The following FRMD4A variants were observed in gnomAD, a reference collection of about 807,000 sequenced individuals.
FRMD4A encodes FERM domain-containing protein 4A.
Under a neutral mutation model 129.1 loss-of-function variants are expected in FRMD4A, and 29 were observed. That is an observed-to-expected ratio of 0.22 (90% CI 0.17 to 0.31). FRMD4A has a LOEUF of 0.31. Among genes scored for constraint, FRMD4A ranks in the 10% least tolerant of loss-of-function variants. The pLI, the probability that FRMD4A is intolerant of heterozygous loss-of-function variation, is 1.00. For synonymous variants in FRMD4A, 634 were observed against 571.6 expected (o/e 1.11, Z -1.56); for missense variants, 1,272 against 1,375.8 (o/e 0.92, Z 1.19).
chr10:13,733,445 T>C (rs1398775361), intron 12 of FRMD4A, among the ~76,000 whole-genome samples: 1 of 152,144 alleles, frequency 6.6e-6, no homozygotes, highest in South Asian at 2.1e-4. Context: ...GGCCTGGTTT[T>C]TTTTTTGGAG....
chr10:14,018,282 C>T (rs1298719606), intron 2 of FRMD4A, among the ~76,000 whole-genome samples: 1 of 146,148 alleles, frequency 6.8e-6, no homozygotes, highest in Non-Finnish European at 1.5e-5. Flanking sequence ...CCCGTCTCTA[C>T]TAAAAATACA....
At chr10:14,232,564 T>C (rs1843673461) in intron 2 of FRMD4A, among the ~76,000 whole-genome samples, 2 of 152,232 alleles carry the variant, frequency 1.3e-5, no homozygotes. Context: ...GAGTATGGAA[T>C]GTTTTTCCAT....
intron 2 of FRMD4A, among the ~76,000 whole-genome samples, chr10:14,020,191 C>T (rs11258804): frequency 0.084 from 12,821 of 152,188 alleles, 936 homozygotes; most frequent in East Asian, 0.26. Flanking sequence ...AGCTTGTGCA[C>T]GCGAACATGT....
intron 2 of FRMD4A, among the ~76,000 whole-genome samples, chr10:14,055,171 C>G (rs1834449146): frequency 6.6e-6 from 1 of 152,112 alleles, no homozygotes; most frequent in Admixed American, 6.6e-5. Flanking sequence ...ACCTCTGTCC[C>G]CAGTACTCAA....
At chr10:14,126,495 T>C (rs1307706853) in intron 2 of FRMD4A, among the ~76,000 whole-genome samples, 1 of 152,084 alleles carries the variant, frequency 6.6e-6, no homozygotes, top group South Asian at 2.1e-4. Context: ...ACCTACTCAG[T>C]TTCTCTCCAG....
intron 2 of FRMD4A, among the ~76,000 whole-genome samples, chr10:14,185,418 T>A (rs137899617): frequency 6.6e-5 from 10 of 152,246 alleles, no homozygotes; most frequent in African/African-American, 1.2e-4. Context: ...ACCCTAAGCG[T>A]AAGGAGAGCT....
At chr10:13,847,548 C>T (rs2094070731) in intron 3 of FRMD4A, among the ~76,000 whole-genome samples, 1 of 152,100 alleles carries the variant, frequency 6.6e-6, no homozygotes, top group Admixed American at 6.5e-5. Flanking sequence ...CCCTTCCTTC[C>T]TTCCACTGGA....
intron 2 of FRMD4A, among the ~76,000 whole-genome samples, chr10:14,243,472 C>T (rs940857304): frequency 6.6e-6 from 1 of 152,160 alleles, no homozygotes; most frequent in African/African-American, 2.4e-5. Context: ...TCAATCAAAC[C>T]TCTTTTTTTA....
intron 2 of FRMD4A, among the ~76,000 whole-genome samples, chr10:13,991,652 A>G (rs950193202): frequency 1.3e-5 from 2 of 152,108 alleles, no homozygotes; most frequent in Admixed American, 6.5e-5. Context: ...TTTTTGATAC[A>G]CCTGTTGGGA....
At chr10:13,708,813 G>A (rs796097701) in intron 12 of FRMD4A, among the ~76,000 whole-genome samples, 7 of 152,256 alleles carry the variant, frequency 4.6e-5, no homozygotes, top group African/African-American at 1.7e-4. Flanking sequence ...TATATTCAGC[G>A]ACATTCCACC....
At chr10:14,034,659 A>G (rs932266205) in intron 2 of FRMD4A, among the ~76,000 whole-genome samples, 1 of 152,190 alleles carries the variant, frequency 6.6e-6, no homozygotes, top group African/African-American at 2.4e-5. Flanking sequence ...TAATCAATAA[A>G]TAACCTGAGC....
intron 2 of FRMD4A, among the ~76,000 whole-genome samples, chr10:13,989,260 C>T (rs1021934281): frequency 6.6e-6 from 1 of 152,134 alleles, no homozygotes; most frequent in Non-Finnish European, 1.5e-5. Context: ...ACCCTAACAC[C>T]TACCAGCCCA....
intron 2 of FRMD4A, among the ~76,000 whole-genome samples, chr10:14,288,769 C>A (rs957449805): frequency 6.6e-6 from 1 of 152,036 alleles, no homozygotes; most frequent in Non-Finnish European, 1.5e-5. Context: ...TGGTAAACAG[C>A]AACGCCCCAT....
chr10:14,128,424 T>TA (rs1346178021), intron 2 of FRMD4A, among the ~76,000 whole-genome samples: 3 of 152,104 alleles, frequency 2.0e-5, no homozygotes, highest in Admixed American at 6.5e-5. Context: ...TCTGGTTACA[T>TA]AAAATTATAA....
intron 2 of FRMD4A, among the ~76,000 whole-genome samples, chr10:13,865,361 C>T (rs537279482): frequency 6.6e-6 from 1 of 152,064 alleles, no homozygotes; most frequent in Admixed American, 6.6e-5. Context: ...CCTTGTAGGA[C>T]AGGAGGTAGA....
intron 2 of FRMD4A, among the ~76,000 whole-genome samples, chr10:14,249,122 G>A (rs931447938): frequency 6.6e-6 from 1 of 152,056 alleles, no homozygotes; most frequent in Non-Finnish European, 1.5e-5. Context: ...AGGCTGAGGC[G>A]GCTGGATCAC....
chr10:14,201,948 G>C (rs1289542173), intron 2 of FRMD4A, among the ~76,000 whole-genome samples: 4 of 152,048 alleles, frequency 2.6e-5, no homozygotes, highest in Non-Finnish European at 5.9e-5. Context: ...GGCCAACATG[G>C]TGAAACGCCG....
intron 12 of FRMD4A, 46 bp from the exon 13 acceptor site, chr10:13,707,159 C>G (rs759895198): frequency 1.2e-5 from 13 of 1,080,584 alleles, no homozygotes; most frequent in Non-Finnish European, 1.9e-5. Flanking sequence ...GGGCTGGCTC[C>G]TGGGCCATCT....
rs1204181870 is a variant in FRMD4A, at chr10:13,657,787, G to GTTTTTTTTTTTT, written c.2067-266_2067-265insAAAAAAAAAAAA. Among the ~76,000 whole-genome samples, 160 of 110,990 alleles carry GTTTTTTTTTTTT rather than the reference G, an allele frequency of 1.4e-3. 1 individual carries two copies. The highest frequency in any genetic ancestry group is 4.9e-3 in the East Asian group (23 of 4,658). 72.8% of individuals were successfully genotyped at this position (110,990 alleles called of 152,430 possible). ...ACTCACAGAAAGGTTTCGATTTCTG[G>GTTTTTTTTTTTT]GTTTTTTTTTTTTTTTAAATAATTC... On this transcript the variant is annotated intron_variant, in intron 21 of 24. Transcript: ENST00000357447.
Sources: allele counts gnomAD v4.1 joint callset (sites outside exome capture counted in the v4.1 genomes callset), GRCh38; gene constraint gnomAD v4.1.1; transcripts MANE v1.5; gene names NCBI Gene and HGNC (gene_info 2026-07-23, HGNC 2026-07-21).